C1D: variants seen among roughly 807,000 people sequenced by gnomAD.
C1D encodes the protein C1D nuclear receptor corepressor.
In C1D, 10 loss-of-function variants were observed where a neutral mutation model predicts 17.5. The observed-to-expected ratio is 0.57, with a 90% CI of 0.35 to 0.97. The LOEUF is 0.97. Among genes scored for constraint, C1D ranks in the 50% least tolerant of loss-of-function variants. The probability of loss-of-function intolerance (pLI) is 0.01; values close to 1 mark genes in which losing one functional copy is unlikely to be tolerated. For synonymous variants in C1D, 49 were observed against 54.0 expected (o/e 0.91, Z 0.40); for missense variants, 136 against 160.1 (o/e 0.85, Z 0.81).
chr2:68,062,236 G>C (rs1671654950), intron 1 of C1D, among the ~76,000 whole-genome samples: 1 of 152,078 alleles, frequency 6.6e-6, no homozygotes. Context: ...TTAAGTCTTG[G>C]TTCAGTCCAC....
chr2:68,041,813 T>G lies in C1D; in HGVS notation c.*1076A>C, dbSNP rs1485389113. On this transcript the variant is annotated 3_prime_UTR_variant, in exon 5 of 5. Coordinates refer to ENST00000410067, the MANE Select transcript of C1D (RefSeq NM_173177.3). Reference sequence around the variant, plus strand: ...CTTGGCATTCCTACACATAATGATATGGATTCAAACACTGAAAGCATTAAG... The same window carrying G: ...CTTGGCATTCCTACACATAATGATAGGGATTCAAACACTGAAAGCATTAAG... 1 of 152,036 alleles carries G rather than the reference T, an allele frequency of 6.6e-6. No individual in the cohort carries two copies. Among genetic ancestry groups the G allele is most frequent in the Non-Finnish European group, 1.5e-5 (1 of 67,886 alleles). The allele number at this position is 152,036 out of a possible 1,614,324, so 9.4% of individuals were successfully genotyped here. A position where few individuals can be genotyped will look rare whatever the true frequency, so the allele number is the denominator to read the frequency against.
At position 68,046,386 on chromosome 2, in the gene C1D, C is replaced by T. The variant is rs750851236; in HGVS notation, c.163G>A (p.Val55Met). The change falls in exon 3 of 5, where the codon GTG (valine) becomes ATG (methionine). Residue 55 changes from valine (V) to methionine (M), a missense_variant. Val to Met is a conservative substitution (Grantham distance 21, BLOSUM62 1). Transcript: ENST00000410067. ...AATGTGTATGCAGAAACCAAATCCA[C>T]TTTTGCTTGTTCAAGTGGATCCAAC... ...QKLDPLEQAK[V>M]DLVSAYTLNS... 6.2e-7 allele frequency: 1 copy of T among 1,612,146 alleles called. No homozygotes were observed. Among genetic ancestry groups the T allele is most frequent in the South Asian group, 1.1e-5 (1 of 90,922 alleles).
At chr2:68,047,672 C>T (rs1311804484) in intron 1 of C1D, among the ~76,000 whole-genome samples, 1 of 152,162 alleles carries the variant, frequency 6.6e-6, no homozygotes, top group Non-Finnish European at 1.5e-5. Flanking sequence ...AGCGATCCTC[C>T]CACCTCTCAG....
chr2:68,046,537 T>C (rs1192401557), intron 2 of C1D, 127 bp from the exon 3 acceptor site: 1 of 619,346 alleles, frequency 1.6e-6, no homozygotes, highest in Non-Finnish European at 2.9e-6. Context: ...TTTTTTTCAC[T>C]TCATATAATC....
intron 1 of C1D, among the ~76,000 whole-genome samples, chr2:68,059,248 G>T (rs1671547157): frequency 6.6e-6 from 1 of 152,086 alleles, no homozygotes; most frequent in Non-Finnish European, 1.5e-5. Flanking sequence ...TTACCTCAAG[G>T]ACAAACCAAG....
At chr2:68,054,220 A>G (rs1671372379) in intron 1 of C1D, among the ~76,000 whole-genome samples, 1 of 152,200 alleles carries the variant, frequency 6.6e-6, no homozygotes, top group Non-Finnish European at 1.5e-5. Context: ...TGGCTACCCT[A>G]AACAATGCAA....
intron 4 of C1D, among the ~76,000 whole-genome samples, chr2:68,044,855 C>T (rs1246275896): frequency 2.0e-5 from 3 of 152,032 alleles, no homozygotes; most frequent in Admixed American, 2.0e-4. Context: ...TTCACAAAGA[C>T]AGTATCAAGT....
At chr2:68,047,129 T>C in intron 2 of C1D, 44 bp downstream of exon 2, 1 of 1,539,460 alleles carries the variant, frequency 6.5e-7, no homozygotes, top group Non-Finnish European at 8.8e-7. Flanking sequence ...AATAGCATTC[T>C]GTTTTATGAA....
intron 1 of C1D, among the ~76,000 whole-genome samples, chr2:68,051,526 T>G (rs1671282453): frequency 6.6e-6 from 1 of 152,118 alleles, no homozygotes; most frequent in Admixed American, 6.5e-5. Flanking sequence ...ACTATTTATC[T>G]TTTAAAAATC....
chr2:68,052,536 T>C (rs970576930), intron 1 of C1D, among the ~76,000 whole-genome samples: 1 of 152,194 alleles, frequency 6.6e-6, no homozygotes, highest in African/African-American at 2.4e-5. Flanking sequence ...AAGAACATAG[T>C]AGAGATTTTT....
Position 68,047,229 on chromosome 2 carries a change from C to T in C1D, c.82G>A (p.Val28Met), listed in dbSNP as rs1357167116. ...LSAFENSIGA[V>M]DEMLKTMMSV... is the part of the protein sequence containing the mutation. Reference sequence around the variant, plus strand: ...ATCATGGTCTTCAGCATCTCATCCACAGCACCAATGGAATTCTCAAACGCT... The same window carrying T: ...ATCATGGTCTTCAGCATCTCATCCATAGCACCAATGGAATTCTCAAACGCT... The change falls in exon 2 of 5, where the codon GTG becomes ATG. Residue 28 changes from valine (V) to methionine (M), a missense_variant. Physicochemically the swap from Val to Met is conservative, Grantham distance 21 (BLOSUM62 1). Coordinates refer to ENST00000410067, the MANE Select transcript of C1D (RefSeq NM_173177.3). 2 of 1,612,386 alleles carry T rather than the reference C, an allele frequency of 1.2e-6. No individual in the cohort carries two copies. The highest frequency in any genetic ancestry group is 1.7e-6 in the Non-Finnish European group (2 of 1,179,472).
At chr2:68,045,519 TAC>T (rs1671094602) in intron 4 of C1D, among the ~76,000 whole-genome samples, 1 of 152,148 alleles carries the variant, frequency 6.6e-6, no homozygotes, top group Non-Finnish European at 1.5e-5. Context: ...TACTGGACAG[TAC>T]ACATACAGCT....
intron 1 of C1D, among the ~76,000 whole-genome samples, chr2:68,051,121 T>C (rs1237246367): frequency 1.3e-5 from 2 of 152,206 alleles, no homozygotes; most frequent in Non-Finnish European, 2.9e-5. Context: ...CCAAAGTCTA[T>C]TATCAAGAAT....
rs1670950342 is a variant in C1D at position 68,041,215 on chromosome 2, TAATA to T, written c.*1670_*1673del. The T allele has an allele frequency of 6.6e-6, 1 of 152,016 alleles. No individual in the cohort carries two copies. 9.4% of individuals were successfully genotyped at this position (152,016 alleles called of 1,614,324 possible). On this transcript the variant is annotated 3_prime_UTR_variant, in exon 5 of 5. Transcript: ENST00000410067. ...ATATACTCAAACTTTTATTTCTACC[TAATA>T]ATGAAAGAATTACTCACTTAAAAGT...
chr2:68,046,486 G>T, intron 2 of C1D, 76 bp from the exon 3 acceptor site: 1 of 998,974 alleles, frequency 1.0e-6, no homozygotes, highest in Non-Finnish European at 1.5e-6. Flanking sequence ...AACACCATCT[G>T]ATAACATTTG....
At chr2:68,048,041 T>C (rs1671181740) in intron 1 of C1D, among the ~76,000 whole-genome samples, 1 of 152,172 alleles carries the variant, frequency 6.6e-6, no homozygotes, top group African/African-American at 2.4e-5. Flanking sequence ...TATATTTATA[T>C]TCCTTAAGCT....
intron 4 of C1D, among the ~76,000 whole-genome samples, chr2:68,043,654 T>A (rs1380807675): frequency 2.6e-5 from 4 of 152,254 alleles, no homozygotes; most frequent in Admixed American, 2.0e-4. Flanking sequence ...ACATAATATG[T>A]TGCTGTACCA....
intron 1 of C1D, among the ~76,000 whole-genome samples, chr2:68,052,372 T>TA (rs1185720300): frequency 6.6e-6 from 1 of 152,080 alleles, no homozygotes; most frequent in Non-Finnish European, 1.5e-5. Flanking sequence ...AAGCACATAT[T>TA]AAATTTTTAA....
At chr2:68,048,871 G>A (rs569069462) in intron 1 of C1D, among the ~76,000 whole-genome samples, 2 of 152,244 alleles carry the variant, frequency 1.3e-5, no homozygotes, top group East Asian at 3.9e-4. Context: ...AGATCTACCA[G>A]CAGACTTCAA....
Sources: allele counts gnomAD v4.1 joint callset (sites outside exome capture counted in the v4.1 genomes callset), GRCh38; gene constraint gnomAD v4.1.1; transcripts MANE v1.5; gene names NCBI Gene and HGNC (gene_info 2026-07-23, HGNC 2026-07-21).